TRANK1: variants seen among roughly 807,000 people sequenced by gnomAD.
The protein encoded by TRANK1 is TPR and ankyrin repeat-containing protein 1.
Under a neutral mutation model 266.0 loss-of-function variants are expected in TRANK1, and 198 were observed. The ratio of observed to expected loss-of-function variants is 0.74; its 90% CI spans 0.66 to 0.84. TRANK1 has a LOEUF of 0.84. Among genes scored for constraint, TRANK1 ranks in the 40% least tolerant of loss-of-function variants. The probability of loss-of-function intolerance (pLI) is 0.00; values close to 1 mark genes in which losing one functional copy is unlikely to be tolerated. For synonymous variants in TRANK1, 1,396 were observed against 1,384.1 expected (o/e 1.01, Z -0.19); for missense variants, 3,326 against 3,634.6 (o/e 0.92, Z 2.18).
chr3:36,885,251 G>C (rs1377876285), intron 8 of TRANK1, among the ~76,000 whole-genome samples: 1 of 152,092 alleles, frequency 6.6e-6, no homozygotes, highest in East Asian at 1.9e-4. Context: ...TGAACCCCTT[G>C]GTACGATTCA....
Position 36,855,270 on chromosome 3 carries a change from C to T in TRANK1, c.4452G>A (p.Leu1484=). Reference sequence around the variant, plus strand: ...TGGTGTTTCTGCTGGCATAATGGAACAGAGAGCGCAGATCGCTGAAGCGGA... The same window carrying T: ...TGGTGTTTCTGCTGGCATAATGGAATAGAGAGCGCAGATCGCTGAAGCGGA... ...VAFRFSDLRS[L]FHYASRNTID... Residue 1484 remains leucine (L), a synonymous_variant, in exon 13 of 24, where the codon CTG becomes CTA. Coordinates refer to ENST00000645898, the MANE Select transcript of TRANK1 (RefSeq NM_001329998.2). 2 of 1,614,056 alleles carry T rather than the reference C, an allele frequency of 1.2e-6. No individual in the cohort carries two copies. Among genetic ancestry groups the T allele is most frequent in the Non-Finnish European group, 1.7e-6 (2 of 1,179,902 alleles).
intron 20 of TRANK1, 77 bp from the exon 21 acceptor site, chr3:36,834,984 A>G (rs2078748040): frequency 2.2e-6 from 3 of 1,352,724 alleles, no homozygotes; most frequent in Non-Finnish European, 3.0e-6. Context: ...ACCACAAGTA[A>G]TAAAGAGGAT....
intron 2 of TRANK1, among the ~76,000 whole-genome samples, chr3:36,905,290 C>CAAAAAAAAAAAAAAAAAAAA (rs35960884): frequency 1.1e-5 from 1 of 94,970 alleles, no homozygotes; most frequent in African/African-American, 3.9e-5. Context: ...GACTCTGTCT[C>CAAAAAAAAAAAAAAAAAAAA]AAAAAAAAAA....
chr3:36,835,617 A>T (rs1030143675), intron 20 of TRANK1, among the ~76,000 whole-genome samples: 1 of 152,238 alleles, frequency 6.6e-6, no homozygotes, highest in Non-Finnish European at 1.5e-5. Context: ...AAACTGATAC[A>T]TCAAAACTGC....
rs1034427226 is a variant in TRANK1 at position 36,855,688 on chromosome 3, A to G, written c.4034T>C (p.Leu1345Pro). Reference sequence around the variant, plus strand: ...AAAAGATTTTATTTCTTTCCAAATCAGTGCAGGGTTGTAGGCAGTCCTCCC... The same window carrying G: ...AAAAGATTTTATTTCTTTCCAAATCGGTGCAGGGTTGTAGGCAGTCCTCCC... ...TKGRTAYNPA[L>P]IWKEIKSFLK... Residue 1345 changes from leucine to proline, a missense_variant, in exon 13 of 24, where the codon CTG (leucine) becomes CCG (proline). Leu to Pro is a moderately conservative substitution (Grantham distance 98, BLOSUM62 -3). Transcript: ENST00000645898. The G allele has an allele frequency of 1.9e-6, 3 of 1,613,718 alleles. No individual in the cohort carries two copies. In the African/African-American group the frequency reaches 4.0e-5, roughly 22 times the overall value.
intron 1 of TRANK1, among the ~76,000 whole-genome samples, chr3:36,931,989 C>T (rs1176711198): frequency 2.0e-5 from 3 of 152,176 alleles, no homozygotes; most frequent in Non-Finnish European, 4.4e-5. Flanking sequence ...GCAGAGAACA[C>T]AGGAGAGAGA....
rs569994304 is a variant in TRANK1 at position 36,833,594 on chromosome 3, G to A, written c.5989C>T (p.Arg1997Cys). The A allele has an allele frequency of 1.7e-5, 27 of 1,613,898 alleles. No individual in the cohort carries two copies. Among genetic ancestry groups the A allele is most frequent in the Non-Finnish European group, 2.1e-5 (25 of 1,179,886 alleles). Residue 1997 changes from arginine to cysteine, a missense_variant, in exon 22 of 24, where the codon CGC (arginine) becomes TGC (cysteine). Transcript: ENST00000645898. ...TCGGAATCCCTGGCCACATTGAGGC[G>A]GGCGGCCCCCAGCAGACATGAGGCC... ...FQASCLLGAA[R>C]LNVARDSDIE...
At chr3:36,921,750 G>C (rs1334703668) in intron 1 of TRANK1, among the ~76,000 whole-genome samples, 1 of 152,224 alleles carries the variant, frequency 6.6e-6, no homozygotes, top group African/African-American at 2.4e-5. Context: ...GGTGGCCAGG[G>C]AAGAGAATGT....
In TRANK1 at chr3:36,856,846, C is replaced by A. The variant is rs757865245; in HGVS notation, c.2876G>T (p.Cys959Phe). The A allele has an allele frequency of 1.9e-5, 30 of 1,613,928 alleles. No individual in the cohort carries two copies. Among genetic ancestry groups the A allele is most frequent in the Non-Finnish European group, 2.4e-5 (28 of 1,179,912 alleles). Residue 959 changes from cysteine (C) to phenylalanine (F), a missense_variant, in exon 13 of 24, where the codon TGC becomes TTC. Transcript: ENST00000645898. ...GGACAAGCCCCGGTTGTAGGCATTG[C>A]AGATGGCCTTGATGGAATCAGCCAG... is the stretch of plus-strand genomic sequence containing the variant. The part of the protein sequence containing the change: ...CKLADSIKAI[C>F]NAYNRGLSCV...
At chr3:36,870,828 C>T (rs1575233249) in intron 9 of TRANK1, among the ~76,000 whole-genome samples, 1 of 152,058 alleles carries the variant, frequency 6.6e-6, no homozygotes, top group Admixed American at 6.5e-5. Context: ...TGAGTCTCTT[C>T]TCTTGGTTCC....
intron 1 of TRANK1, among the ~76,000 whole-genome samples, chr3:36,926,818 C>T (rs9849555): frequency 0.13 from 19,571 of 152,130 alleles, 1,563 homozygotes; most frequent in East Asian, 0.35. Context: ...GAACAAGGGT[C>T]GAAACTGGGC....
intron 9 of TRANK1, among the ~76,000 whole-genome samples, chr3:36,871,955 G>A (rs554302607): frequency 7.9e-5 from 12 of 152,326 alleles, no homozygotes; most frequent in African/African-American, 2.6e-4. Context: ...TCAAGAGAGG[G>A]AGTGTTTCTA....
chr3:36,862,198 C>T (rs1001935815), intron 10 of TRANK1, among the ~76,000 whole-genome samples: 1 of 151,992 alleles, frequency 6.6e-6, no homozygotes, highest in African/African-American at 2.4e-5. Context: ...TTAAATTCAA[C>T]AGGGAATTCT....
chr3:36,840,633 T>G (rs1303621707), intron 18 of TRANK1, among the ~76,000 whole-genome samples: 2 of 152,214 alleles, frequency 1.3e-5, no homozygotes. Flanking sequence ...AGGGGCCTTG[T>G]GTGCTTCTGT....
intron 2 of TRANK1, among the ~76,000 whole-genome samples, chr3:36,907,459 A>ATTTT (rs1212991729): frequency 5.7e-4 from 59 of 104,300 alleles, no homozygotes; most frequent in East Asian, 9.5e-4. Context: ...AAATTTATTG[A>ATTTT]TTTTTTTTTT....
intron 9 of TRANK1, among the ~76,000 whole-genome samples, chr3:36,867,197 C>CAA (rs369027127): frequency 7.1e-6 from 1 of 141,132 alleles, no homozygotes. Flanking sequence ...ACTCACAGTA[C>CAA]AAAAAAAAAA....
At chr3:36,868,040 T>C (rs1459215624) in intron 9 of TRANK1, among the ~76,000 whole-genome samples, 1 of 152,218 alleles carries the variant, frequency 6.6e-6, no homozygotes, top group East Asian at 1.9e-4. Context: ...AGCCCTGCAA[T>C]TGAATGGAAT....
At chr3:36,874,028 G>GTATA in intron 9 of TRANK1, 98 bp downstream of exon 9, 6 of 938,800 alleles carry the variant, frequency 6.4e-6, no homozygotes, top group South Asian at 2.0e-5. Context: ...ATATGTGTGT[G>GTATA]TATATATATA....
intron 8 of TRANK1, among the ~76,000 whole-genome samples, chr3:36,878,363 T>G (rs1329561851): frequency 6.6e-6 from 1 of 152,126 alleles, no homozygotes; most frequent in Non-Finnish European, 1.5e-5. Context: ...GCCAAAAAGG[T>G]TGGGGACCAC....
Sources: gnomAD v4.1 joint callset for allele counts (sites outside exome capture counted in the v4.1 genomes callset) on GRCh38, gnomAD v4.1.1 for gene constraint, MANE v1.5 for transcripts, NCBI Gene and HGNC (gene_info 2026-07-23, HGNC 2026-07-21) for gene names.